The following GNB4 variants were observed in gnomAD, a reference collection of about 807,000 sequenced individuals.
GNB4 encodes G protein subunit beta 4.
GNB4 carries 28 observed loss-of-function variants against 45.2 expected under a neutral mutation model. The observed-to-expected ratio is 0.62, with a 90% CI of 0.46 to 0.85. The LOEUF is 0.85. Among genes scored for constraint, GNB4 ranks in the 40% least tolerant of loss-of-function variants. The probability of loss-of-function intolerance (pLI) is 0.00; values close to 1 mark genes in which losing one functional copy is unlikely to be tolerated. For missense variants in GNB4, 321 were observed against 425.4 expected (o/e 0.75, Z 2.16); for synonymous variants, 132 against 143.7 (o/e 0.92, Z 0.58).
chr3:179,420,198 G>A (rs899767606), intron 3 of GNB4, among the ~76,000 whole-genome samples: 5 of 149,302 alleles, frequency 3.3e-5, no homozygotes, highest in African/African-American at 9.8e-5. Context: ...TAGGGATCTC[G>A]GCTCATTGCA....
the GNB4 span, among the ~76,000 whole-genome samples, chr3:179,493,957 A>C: frequency 6.6e-6 from 1 of 152,162 alleles, no homozygotes; most frequent in Non-Finnish European, 1.5e-5. Flanking sequence ...TAGCTTGTGC[A>C]CCCATGGAGG....
the GNB4 span, among the ~76,000 whole-genome samples, chr3:179,461,052 C>A: frequency 6.6e-6 from 1 of 152,106 alleles, no homozygotes; most frequent in Non-Finnish European, 1.5e-5. Context: ...CTGGCCTTCA[C>A]TTTCAGCTCC....
chr3:179,518,281 A>T, the GNB4 span, among the ~76,000 whole-genome samples: 1 of 152,180 alleles, frequency 6.6e-6, no homozygotes, highest in African/African-American at 2.4e-5. Flanking sequence ...CCATGCTACA[A>T]GATCTAAATA....
At position 179,432,969 on chromosome 3, in the gene GNB4, C is replaced by T. The variant is rs149459343; in HGVS notation, c.-42-6727G>A. ...GTCACCCACTACTGAAGAAATCCTC[C>T]ATTGGGTCTTAGCCAGGCGGACTAA... On this transcript the variant is annotated intron_variant, in intron 1 of 9. Transcript: ENST00000232564. Among the ~76,000 whole-genome samples, 76 of 152,284 alleles carry T rather than the reference C, an allele frequency of 5.0e-4. 2 individuals are homozygous for T. The highest frequency in any genetic ancestry group is 1.8e-3 in the African/African-American group (75 of 41,566).
chr3:179,462,160 CTG>C, the GNB4 span, among the ~76,000 whole-genome samples: 1 of 145,320 alleles, frequency 6.9e-6, no homozygotes, highest in Admixed American at 6.8e-5. Context: ...TTGTGTATGT[CTG>C]TGTGTGTGCA....
intron 1 of GNB4, 120 bp from the exon 2 acceptor site, chr3:179,426,362 T>C (rs1389422045): frequency 1.8e-6 from 1 of 562,334 alleles, no homozygotes; most frequent in Non-Finnish European, 3.1e-6. Flanking sequence ...AGGTAGTCAA[T>C]TATTAAAGGA....
the GNB4 span, among the ~76,000 whole-genome samples, chr3:179,511,793 C>T: frequency 2.0e-5 from 3 of 152,038 alleles, no homozygotes; most frequent in Admixed American, 1.3e-4. Flanking sequence ...CTTAACACCT[C>T]ATCTGGTGCT....
At chr3:179,430,588 G>C (rs1715281598) in intron 1 of GNB4, among the ~76,000 whole-genome samples, 1 of 150,990 alleles carries the variant, frequency 6.6e-6, no homozygotes, top group Non-Finnish European at 1.5e-5. Context: ...CCAGTAGCTG[G>C]GACTACAGGC....
At position 179,415,024 on chromosome 3, in the gene GNB4, G is replaced by A. The variant is rs370235365; in HGVS notation, c.291C>T (p.Ser97=). Reference sequence around the variant, plus strand: ...CATAAGCACAGGTCATCACCCAGGAGGACCTCAAAGGAATAGCATGCATCT... The same window carrying A: ...CATAAGCACAGGTCATCACCCAGGAAGACCTCAAAGGAATAGCATGCATCT... ...TNKMHAIPLR[S]SWVMTCAYAP... Residue 97 remains serine, a synonymous_variant, in exon 6 of 10, where the codon TCC becomes TCT. Coordinates refer to ENST00000232564, the MANE Select transcript of GNB4 (RefSeq NM_021629.4). 2.1e-5 allele frequency: 34 copies of A among 1,604,494 alleles called. No homozygotes were observed. The highest frequency in any genetic ancestry group is 2.8e-5 in the Non-Finnish European group (33 of 1,173,734).
intron 8 of GNB4, among the ~76,000 whole-genome samples, chr3:179,408,732 C>T (rs1487156975): frequency 2.0e-5 from 3 of 151,456 alleles, no homozygotes; most frequent in Non-Finnish European, 2.9e-5. Flanking sequence ...GTGGAGGTTG[C>T]AGTGAGCCGA....
At chr3:179,511,749 A>G in the GNB4 span, among the ~76,000 whole-genome samples, 1 of 152,160 alleles carries the variant, frequency 6.6e-6, no homozygotes, top group African/African-American at 2.4e-5. Flanking sequence ...AAAAAAGAAA[A>G]AAAGAGGCTA....
At chr3:179,424,782 T>C (rs918321829) in intron 2 of GNB4, among the ~76,000 whole-genome samples, 3 of 152,144 alleles carry the variant, frequency 2.0e-5, no homozygotes, top group African/African-American at 7.2e-5. Flanking sequence ...CGTTTTTTTG[T>C]TTGTTTTTGT....
At chr3:179,422,144 AAC>A (rs1206938652) in intron 2 of GNB4, among the ~76,000 whole-genome samples, 3 of 152,238 alleles carry the variant, frequency 2.0e-5, no homozygotes, top group Admixed American at 6.5e-5. Context: ...TAATATTAGT[AAC>A]ACAATTTAAA....
chr3:179,461,421 C>T, the GNB4 span, among the ~76,000 whole-genome samples: 3 of 151,070 alleles, frequency 2.0e-5, no homozygotes, highest in Non-Finnish European at 4.4e-5. Flanking sequence ...GGCGTGAACC[C>T]GGGAGGCGGA....
upstream of GNB4, chr3:179,451,678 T>C (rs1715885726): frequency 6.6e-6 from 1 of 152,028 alleles, no homozygotes; most frequent in Non-Finnish European, 1.5e-5. Flanking sequence ...ATTTTCTCTC[T>C]CGTTTCCTGC....
the GNB4 span, among the ~76,000 whole-genome samples, chr3:179,468,087 A>T: frequency 7.3e-6 from 1 of 136,176 alleles, no homozygotes; most frequent in South Asian, 2.6e-4. Context: ...AGTCCCAGCT[A>T]CCCGGGAGGC....
chr3:179,402,334 C>A (rs1714328232), intron 9 of GNB4, among the ~76,000 whole-genome samples: 4 of 152,154 alleles, frequency 2.6e-5, no homozygotes, highest in African/African-American at 9.7e-5. Context: ...TAAGTGTGGA[C>A]AACAAGCACA....
intron 9 of GNB4, among the ~76,000 whole-genome samples, chr3:179,404,149 C>T (rs1714392852): frequency 6.6e-6 from 1 of 152,046 alleles, no homozygotes; most frequent in Admixed American, 6.6e-5. Flanking sequence ...CTAGAAAATA[C>T]AAAAAAGCTG....
At chr3:179,451,623 G>C (rs930118858), upstream of GNB4, 1 of 151,320 alleles carries the variant, frequency 6.6e-6, no homozygotes, top group East Asian at 1.9e-4. Context: ...CGCAGCCCGG[G>C]CGGGGGGCGA....
Sources: gnomAD v4.1 joint callset for allele counts (sites outside exome capture counted in the v4.1 genomes callset) on GRCh38, gnomAD v4.1.1 for gene constraint, MANE v1.5 for transcripts, NCBI Gene and HGNC (gene_info 2026-07-23, HGNC 2026-07-21) for gene names.